UPF3B: variants seen among roughly 807,000 people sequenced by gnomAD.
The protein encoded by UPF3B is regulator of nonsense transcripts 3B.
A neutral mutation model predicts 40.3 loss-of-function variants in UPF3B; 7 were observed. That is an observed-to-expected ratio of 0.17 (90% CI 0.10 to 0.33). The LOEUF (loss-of-function observed/expected upper bound fraction) is 0.33. Ranked by LOEUF, UPF3B falls within the 10% of genes least tolerant of loss-of-function variation. UPF3B has a pLI of 1.00. For missense variants in UPF3B, 229 were observed against 358.9 expected (o/e 0.64, Z 2.93); for synonymous variants, 117 against 117.3 (o/e 1.00, Z 0.01).
At chrX:119,806,844 C>T (rs1175891376) in intron 6 of UPF3B, among the ~76,000 whole-genome samples, 2 of 108,468 alleles carry the variant, frequency 1.8e-5, no homozygotes, top group South Asian at 4.0e-4. Flanking sequence ...GCGTGGCCAA[C>T]GTGGTGAAAC....
At chrX:119,851,929 T>C (rs2056309346) in intron 1 of UPF3B, 56 bp from the exon 2 acceptor site, 2 of 814,777 alleles carry the variant, frequency 2.5e-6, no homozygotes, top group Non-Finnish European at 3.6e-6. Context: ...CTGTCATACC[T>C]GAAAGAATCA....
chrX:119,833,323 ATTTATT>A (rs761302122), downstream of UPF3B, among the ~76,000 whole-genome samples: 10 of 111,869 alleles, frequency 8.9e-5, no homozygotes, highest in Non-Finnish European at 1.5e-4. Flanking sequence ...AACAGTTTAT[ATTTATT>A]TTTAAATTAT....
intron 3 of UPF3B, among the ~76,000 whole-genome samples, chrX:119,826,030 G>A (rs757005748): frequency 1.8e-5 from 2 of 111,426 alleles, no homozygotes; most frequent in African/African-American, 3.3e-5. Context: ...TCATGGTGGC[G>A]CACGCCTATA....
chrX:119,821,839 T>A (rs2055923604), intron 4 of UPF3B, among the ~76,000 whole-genome samples: 1 of 111,449 alleles, frequency 9.0e-6, no homozygotes, highest in Admixed American at 9.6e-5. Flanking sequence ...CACAGCTGTT[T>A]ACTAAAGTTA....
intron 4 of UPF3B, among the ~76,000 whole-genome samples, chrX:119,820,352 T>C (rs2055904229): frequency 9.4e-6 from 1 of 105,905 alleles, no homozygotes; most frequent in Admixed American, 1.0e-4. Flanking sequence ...GGTTTTACCA[T>C]GTTGGCCAGG....
chrX:119,832,531 G>A (rs552583970), downstream of UPF3B, among the ~76,000 whole-genome samples: 8 of 112,099 alleles, frequency 7.1e-5, no homozygotes, highest in African/African-American at 2.6e-4. Flanking sequence ...GCTTTCCTAA[G>A]TGCTGGGATT....
At chrX:119,843,414 TA>T (rs2056190900) in intron 4 of UPF3B, 113 bp from the exon 5 acceptor site, 12 of 556,708 alleles carry the variant, frequency 2.2e-5, no homozygotes, top group Non-Finnish European at 3.2e-5. Flanking sequence ...CGTGGAAGAT[TA>T]AAAAAAACCA....
At chrX:119,840,228 A>G (rs766912795) in intron 8 of UPF3B, among the ~76,000 whole-genome samples, 2 of 111,790 alleles carry the variant, frequency 1.8e-5, no homozygotes, top group Non-Finnish European at 3.8e-5. Flanking sequence ...CCCAAATGCA[A>G]TGCATGAATC....
rs1452500102 is a variant in UPF3B, at chrX:119,821,908, AC to A, written c.494+1033del. On this transcript the variant is annotated intron_variant, in intron 4 of 6. Transcript: ENST00000636792. ...TACTATGTATTGACATCAGAACAAA[AC>A]AAACTGAAACTAAAAGTTGATATGT... Among the ~76,000 whole-genome samples the A allele has an allele frequency of 5.4e-3, 605 of 112,478 alleles. 5 individuals carry two copies. Among genetic ancestry groups the A allele is most frequent in the African/African-American group, 0.019 (582 of 30,990 alleles).
intron 5 of UPF3B, among the ~76,000 whole-genome samples, chrX:119,809,270 A>C (rs892083672): frequency 1.8e-5 from 2 of 111,062 alleles, no homozygotes; most frequent in African/African-American, 6.6e-5. Flanking sequence ...TAATCCAATC[A>C]CCTCCCACCA....
Position 119,834,062 on chromosome X carries a change from G to C in UPF3B, c.*816C>G, listed in dbSNP as rs1375090425. 1 of 752,850 alleles carries C rather than the reference G, an allele frequency of 1.3e-6. No homozygotes were observed. Among genetic ancestry groups the C allele is most frequent in the Non-Finnish European group, 1.6e-6 (1 of 639,104 alleles). 62.0% of individuals were successfully genotyped at this position (752,850 alleles called of 1,213,427 possible). On this transcript the variant is annotated 3_prime_UTR_variant, in exon 11 of 11. Coordinates refer to ENST00000276201, the MANE Select transcript of UPF3B (RefSeq NM_080632.3). ...TGTTACTATTTATTGACATCAAAACGAAACAAGCTGAGACTAAAAGTTGCT... is the reference window on the plus strand; with the variant it reads ...TGTTACTATTTATTGACATCAAAACCAAACAAGCTGAGACTAAAAGTTGCT...
chrX:119,845,149 T>C, intron 4 of UPF3B, 49 bp downstream of exon 4: 1 of 1,063,598 alleles, frequency 9.4e-7, no homozygotes, highest in East Asian at 3.0e-5. Context: ...AGATATTATT[T>C]TTAAAAACCC....
chrX:119,845,676 G>C (rs1468168462), intron 3 of UPF3B, among the ~76,000 whole-genome samples: 1 of 111,609 alleles, frequency 9.0e-6, no homozygotes, highest in Non-Finnish European at 1.9e-5. Context: ...GGTAGAAGTG[G>C]TGAGAAGAAT....
chrX:119,851,711 A>AAAAGAATG, intron 2 of UPF3B, 56 bp downstream of exon 2: 1 of 996,366 alleles, frequency 1.0e-6, no homozygotes, highest in Non-Finnish European at 1.4e-6. Context: ...CAGTAGGATA[A>AAAAGAATG]AAAGAATGAA....
At chrX:119,816,222 G>A (rs979654452) in intron 4 of UPF3B, among the ~76,000 whole-genome samples, 4 of 111,939 alleles carry the variant, frequency 3.6e-5, no homozygotes, top group Middle Eastern at 4.6e-3. Flanking sequence ...AAGACTGATG[G>A]TAAAAATTGC....
Position 119,838,470 on chromosome X carries a change from T to C in UPF3B, c.904A>G (p.Lys302Glu). The C allele has an allele frequency of 8.3e-7, 1 of 1,211,856 alleles. No homozygotes were observed. Among genetic ancestry groups the C allele is most frequent in the Non-Finnish European group, 1.1e-6 (1 of 895,326 alleles). Residue 302 changes from lysine (K) to glutamate (E), a missense_variant, in exon 9 of 11, where the codon AAG (lysine) becomes GAG (glutamate). By Grantham distance (56) the Lys-to-Glu change is moderately conservative. Transcript: ENST00000276201. ...CTGAGATTCTCTTTGTCCAATTTCT[T>C]GGCTTTTTCTCTTTTGTCCAATTCT... The part of the protein sequence containing the change: ...EKELDKREKA[K>E]KLDKENLSDE...
In UPF3B at chrX:119,851,764, T is replaced by TTTTTTTTTTTTTTTA; in HGVS notation, c.263+2_263+3insTAAAAAAAAAAAAAA. ...ACCCCTTTCCTTTTTTTTTTTTTTT[T>TTTTTTTTTTTTTTTA]ACCTCGTATCATTAGAAAAAAACTC... On this transcript the variant is annotated splice_region_variant and intron_variant, in intron 2 of 10. Coordinates refer to ENST00000276201, the MANE Select transcript of UPF3B (RefSeq NM_080632.3). 31 of 968,327 alleles carry TTTTTTTTTTTTTTTA rather than the reference T, an allele frequency of 3.2e-5. No homozygotes were observed. Among genetic ancestry groups the TTTTTTTTTTTTTTTA allele is most frequent in the Non-Finnish European group, 3.9e-5 (28 of 710,055 alleles). The allele number at this position is 968,327 out of a possible 1,213,427, so 79.8% of individuals were successfully genotyped here.
rs138652766 is a variant in UPF3B at position 119,845,276 on chromosome X, C to T, written c.391G>A (p.Val131Ile). 2.3e-5 allele frequency: 28 copies of T among 1,207,208 alleles called. No homozygotes were observed. Among genetic ancestry groups the T allele is most frequent in the Non-Finnish European group, 3.0e-5 (27 of 893,519 alleles). ...DNKGQEYPAI[V>I]EFAPFQKAAK... Reference sequence around the variant, plus strand: ...GCTTTTTGAAAAGGTGCAAATTCTACTATAGCGGGATATTCCTGACCTGTT... The same window carrying T: ...GCTTTTTGAAAAGGTGCAAATTCTATTATAGCGGGATATTCCTGACCTGTT... Residue 131 changes from valine (V) to isoleucine (I), a missense_variant, in exon 4 of 11, where the codon GTA becomes ATA. Physicochemically the swap from Val to Ile is conservative, Grantham distance 29. Transcript: ENST00000276201.
At chrX:119,821,723 G>A (rs900963764) in intron 4 of UPF3B, among the ~76,000 whole-genome samples, 4 of 110,503 alleles carry the variant, frequency 3.6e-5, no homozygotes, top group Non-Finnish European at 5.7e-5. Flanking sequence ...ATTTGAACCC[G>A]GAGGGTGGAG....
Sources: gnomAD v4.1 joint callset for allele counts (sites outside exome capture counted in the v4.1 genomes callset) on GRCh38, gnomAD v4.1.1 for gene constraint, MANE v1.5 for transcripts, NCBI Gene and HGNC (gene_info 2026-07-23, HGNC 2026-07-21) for gene names.